THSD4: variants seen among roughly 807,000 people sequenced by gnomAD.
THSD4 encodes the protein thrombospondin type-1 domain-containing protein 4.
Under a neutral mutation model 119.0 loss-of-function variants are expected in THSD4, and 69 were observed. That is an observed-to-expected ratio of 0.58 (90% CI 0.48 to 0.71). THSD4 has a LOEUF of 0.71. THSD4 is among the 30% of genes least tolerant of loss of function. The pLI is 0.00. For synonymous variants in THSD4, 524 were observed against 540.4 expected (o/e 0.97, Z 0.42); for missense variants, 1,393 against 1,391.1 (o/e 1.00, Z -0.02).
intron 7 of THSD4, among the ~76,000 whole-genome samples, chr15:71,626,460 T>C (rs1595801261): frequency 6.6e-6 from 1 of 152,240 alleles, no homozygotes; most frequent in Non-Finnish European, 1.5e-5. Flanking sequence ...TAGGTTCTGG[T>C]AGAAACCATT....
Position 71,215,047 on chromosome 15 carries a change from A to G in THSD4, c.112A>G (p.Met38Val), listed in dbSNP as rs1394300058. 2 of 1,288,962 alleles carry G rather than the reference A, an allele frequency of 1.6e-6. No homozygotes were observed. Among genetic ancestry groups the G allele is most frequent in the South Asian group, 2.6e-5 (1 of 37,910 alleles). The allele number at this position is 1,288,962 out of a possible 1,614,324, so 79.8% of individuals were successfully genotyped here. A position where few individuals can be genotyped will look rare whatever the true frequency, so the allele number is the denominator to read the frequency against. The change falls in exon 4 of 18, where the codon ATG (methionine) becomes GTG (valine). Residue 38 changes from methionine to valine, a missense_variant. Coordinates refer to ENST00000261862, the MANE Select transcript of THSD4 (RefSeq NM_024817.3). ...TCTGTCTCCGCAGGTCCCGCAGCGG[A>G]TGGCGGCGGAGGGCGCCCCCGAGGA... is the stretch of plus-strand genomic sequence containing the variant. ...STQHRKVPQR[M>V]AAEGAPEDDG... is the part of the protein sequence containing the mutation.
chr15:71,181,099 G>A (rs1223258848), intron 3 of THSD4, among the ~76,000 whole-genome samples: 10 of 152,194 alleles, frequency 6.6e-5, no homozygotes, highest in Admixed American at 3.9e-4. Flanking sequence ...GCACTCATTT[G>A]AGGGTGTCCA....
chr15:71,335,844 T>C (rs1306067646), intron 6 of THSD4, among the ~76,000 whole-genome samples: 1 of 151,974 alleles, frequency 6.6e-6, no homozygotes, highest in Non-Finnish European at 1.5e-5. Context: ...TTAGGATGTG[T>C]AAAATAAACC....
intron 7 of THSD4, among the ~76,000 whole-genome samples, chr15:71,446,539 A>G (rs550766875): frequency 6.6e-6 from 1 of 152,314 alleles, no homozygotes; most frequent in East Asian, 1.9e-4. Context: ...GCTTTAGTAT[A>G]TTCTGCTGCT....
intron 6 of THSD4, among the ~76,000 whole-genome samples, chr15:71,383,269 G>C (rs1481880522): frequency 1.3e-5 from 2 of 152,168 alleles, no homozygotes; most frequent in Non-Finnish European, 2.9e-5. Flanking sequence ...AACCTCAGAA[G>C]TCTGTTTGAC....
At chr15:71,696,912 A>G (rs1275769291) in intron 8 of THSD4, among the ~76,000 whole-genome samples, 1 of 152,162 alleles carries the variant, frequency 6.6e-6, no homozygotes, top group African/African-American at 2.4e-5. Context: ...AGTCCACCCA[A>G]AGCCTGAAAA....
At chr15:71,672,929 G>A (rs1370565789) in intron 8 of THSD4, among the ~76,000 whole-genome samples, 4 of 152,140 alleles carry the variant, frequency 2.6e-5, no homozygotes, top group Non-Finnish European at 4.4e-5. Flanking sequence ...TGTTCATCAG[G>A]GATATTGGTC....
chr15:71,395,912 G>GACACACACACACAC (rs148711899), intron 6 of THSD4, among the ~76,000 whole-genome samples: 7 of 109,500 alleles, frequency 6.4e-5, no homozygotes, highest in African/African-American at 2.7e-4. Context: ...GTTTTGAAGA[G>GACACACACACACAC]AGACACACAC....
chr15:71,420,629 A>G lies in THSD4; in HGVS notation c.1152+8806A>G, dbSNP rs1296477056. Among the ~76,000 whole-genome samples, 3 of 105,884 alleles carry G rather than the reference A, an allele frequency of 2.8e-5. 1 individual carries two copies. The highest frequency in any genetic ancestry group is 9.7e-5 in the African/African-American group (3 of 31,016). The allele number at this position is 105,884 out of a possible 152,430, so 69.5% of individuals were successfully genotyped here. On this transcript the variant is annotated intron_variant, in intron 7 of 17. Coordinates refer to ENST00000261862, the MANE Select transcript of THSD4 (RefSeq NM_024817.3). ...TAATTTCTTGAGTTTTGCTTTTTGT[A>G]TATCTGTTCTATGTTTTTTGGTTTG...
chr15:71,494,632 A>T (rs988331478), intron 7 of THSD4, among the ~76,000 whole-genome samples: 1 of 149,868 alleles, frequency 6.7e-6, no homozygotes, highest in Non-Finnish European at 1.5e-5. Context: ...TTTTCTTTTA[A>T]GTTCTGTTTC....
intron 7 of THSD4, among the ~76,000 whole-genome samples, chr15:71,539,718 A>T (rs76167267): frequency 0.049 from 7,441 of 152,256 alleles, 240 homozygotes; most frequent in Middle Eastern, 0.11. Flanking sequence ...GTTTTCTGGT[A>T]TCTAAGATGA....
intron 9 of THSD4, chr15:71,729,791 A>G (rs1595896513): frequency 6.6e-6 from 1 of 152,238 alleles, no homozygotes; most frequent in East Asian, 1.9e-4. Context: ...CTCAGGCAGA[A>G]GAGGCACCAG....
intron 1 of THSD4, among the ~76,000 whole-genome samples, chr15:71,116,009 A>G (rs538441548): frequency 4.0e-4 from 61 of 152,298 alleles, no homozygotes; most frequent in African/African-American, 1.4e-3. Context: ...TCTAGGGACA[A>G]TCCACCTCAG....
chr15:71,521,548 C>A (rs1000033454), intron 7 of THSD4, among the ~76,000 whole-genome samples: 3 of 152,116 alleles, frequency 2.0e-5, no homozygotes, highest in Admixed American at 6.6e-5. Flanking sequence ...TATGTTTCTC[C>A]AACTTGAAAA....
chr15:71,224,002 A>T (rs1315652173), intron 4 of THSD4, among the ~76,000 whole-genome samples: 2 of 152,140 alleles, frequency 1.3e-5, no homozygotes, highest in East Asian at 3.8e-4. Flanking sequence ...ACAAGCAGAC[A>T]TTTACAAGTC....
At chr15:71,654,546 G>A (rs753687050) in intron 7 of THSD4, among the ~76,000 whole-genome samples, 2 of 152,098 alleles carry the variant, frequency 1.3e-5, no homozygotes, top group African/African-American at 2.4e-5. Context: ...TGGATCAAAC[G>A]GTCTATATTG....
intron 5 of THSD4, among the ~76,000 whole-genome samples, chr15:71,247,179 T>C (rs945983571): frequency 2.6e-5 from 4 of 151,992 alleles, no homozygotes; most frequent in African/African-American, 9.7e-5. Context: ...ATAACAGGCA[T>C]GAGCCACTGC....
At chr15:71,538,099 C>A (rs1369747855) in intron 7 of THSD4, among the ~76,000 whole-genome samples, 1 of 152,046 alleles carries the variant, frequency 6.6e-6, no homozygotes, top group Admixed American at 6.6e-5. Flanking sequence ...TTTCAACTTA[C>A]AGAATTTTAA....
chr15:71,620,311 G>T (rs1343144052), intron 7 of THSD4, among the ~76,000 whole-genome samples: 2 of 152,134 alleles, frequency 1.3e-5, no homozygotes, highest in Non-Finnish European at 2.9e-5. Context: ...ATAGTTGTCT[G>T]GCTGGGTGTG....
Sources: allele counts gnomAD v4.1 joint callset (sites outside exome capture counted in the v4.1 genomes callset), GRCh38; gene constraint gnomAD v4.1.1; transcripts MANE v1.5; gene names NCBI Gene and HGNC (gene_info 2026-07-23, HGNC 2026-07-21).